PCDHGB1: variants seen among roughly 807,000 people sequenced by gnomAD.
The protein encoded by PCDHGB1 is protocadherin gamma subfamily B, 1.
A neutral mutation model predicts 56.6 loss-of-function variants in PCDHGB1; 34 were observed. The ratio of observed to expected loss-of-function variants is 0.60; its 90% CI spans 0.46 to 0.80. PCDHGB1 has a LOEUF of 0.80. Among genes scored for constraint, PCDHGB1 ranks in the 30% least tolerant of loss-of-function variants. The pLI is 0.00. For missense variants in PCDHGB1, 1,278 were observed against 1,204.6 expected, an observed-to-expected ratio of 1.06 and a Z score of -0.90; for synonymous variants, 561 against 505.9, an observed-to-expected ratio of 1.11 and a Z score of -1.46.
intron 1 of PCDHGB1, among the ~76,000 whole-genome samples, chr5:141,447,724 A>T (rs2098549653): frequency 6.6e-6 from 1 of 152,126 alleles, no homozygotes. Flanking sequence ...ATTTTCCAAA[A>T]CTCATTGAAC....
chr5:141,455,833 G>A (rs999291826), intron 1 of PCDHGB1, among the ~76,000 whole-genome samples: 1 of 151,468 alleles, frequency 6.6e-6, no homozygotes, highest in Admixed American at 6.6e-5. Flanking sequence ...CCCTTTTCCT[G>A]TCTATCTGCA....
In PCDHGB1 at chr5:141,393,482, T is replaced by C. The variant is rs116240246; in HGVS notation, c.2409+40813T>C. The C allele has an allele frequency of 5.3e-4, 852 of 1,614,070 alleles. 7 individuals carry two copies. In the African/African-American group the frequency reaches 0.01, roughly 19 times the overall value. ...CGGATGGCGGCAAGCCGCCTCGCTC[T>C]AGCACAGTGCGCATCCACGTGACAG... is the stretch of plus-strand genomic sequence containing the variant. On this transcript the variant is annotated intron_variant, in intron 1 of 3. Coordinates refer to ENST00000523390, the MANE Select transcript of PCDHGB1 (RefSeq NM_018922.3).
intron 1 of PCDHGB1, chr5:141,372,039 C>T (rs757866605): frequency 1.2e-6 from 2 of 1,613,468 alleles, no homozygotes; most frequent in Non-Finnish European, 1.7e-6. Flanking sequence ...CGTGAGCCTG[C>T]GCGTGTTGGT....
chr5:141,389,301 A>G (rs2091692161), intron 1 of PCDHGB1: 3 of 1,614,010 alleles, frequency 1.9e-6, no homozygotes, highest in Non-Finnish European at 2.5e-6. Flanking sequence ...TTCACAAGTC[A>G]GGGCTTCTGA....
intron 1 of PCDHGB1, chr5:141,408,823 T>G: frequency 4.3e-6 from 7 of 1,613,568 alleles, no homozygotes; most frequent in Non-Finnish European, 5.9e-6. Flanking sequence ...AACAGAGATC[T>G]CATAGCTTGA....
At chr5:141,366,029 C>G (rs766110369) in intron 1 of PCDHGB1, 1 of 1,614,260 alleles carries the variant, frequency 6.2e-7, no homozygotes, top group Admixed American at 1.7e-5. Flanking sequence ...GTACCCCGCC[C>G]TCCCCACAGA....
intron 1 of PCDHGB1, chr5:141,399,485 A>G (rs760899297): frequency 4.7e-5 from 76 of 1,613,904 alleles, no homozygotes; most frequent in Non-Finnish European, 6.1e-5. Context: ...CAGGCGTCCT[A>G]CTTAGTCAGT....
chr5:141,461,438 T>C (rs1034260263), intron 1 of PCDHGB1, among the ~76,000 whole-genome samples: 3 of 152,200 alleles, frequency 2.0e-5, no homozygotes, highest in African/African-American at 7.2e-5. Flanking sequence ...GTATACCTTC[T>C]TTTGAGAAAT....
chr5:141,497,148 A>G (rs1436451953), intron 2 of PCDHGB1, among the ~76,000 whole-genome samples: 1 of 152,122 alleles, frequency 6.6e-6, no homozygotes, highest in Non-Finnish European at 1.5e-5. Context: ...ATCACGAAAA[A>G]AAAATAATCT....
chr5:141,405,375 C>T lies in PCDHGB1; in HGVS notation c.2409+52706C>T, dbSNP rs368501516. On this transcript the variant is annotated intron_variant, in intron 1 of 3. Transcript: ENST00000523390. ...CCTATAGAAGACACCCCTTTGGTTC[C>T]GGTGAGTTCATTTTTTTTCTTTCTT... The T allele has an allele frequency of 3.2e-5, 51 of 1,602,124 alleles. No individual in the cohort carries two copies. Among genetic ancestry groups the T allele is most frequent in the East Asian group, 6.7e-5 (3 of 44,850 alleles).
chr5:141,400,591 C>T lies in PCDHGB1; in HGVS notation c.2409+47922C>T, dbSNP rs746471054. ...ATTTTCTGTATTTACATGAAACTATCGTACATTTTCAAGTCCAATGAGTTG... is the reference window on the plus strand; with the variant it reads ...ATTTTCTGTATTTACATGAAACTATTGTACATTTTCAAGTCCAATGAGTTG... On this transcript the variant is annotated intron_variant, in intron 1 of 3. Transcript: ENST00000523390. 2.5e-6 allele frequency: 4 copies of T among 1,602,858 alleles called. No homozygotes were observed. In the African/African-American group the frequency reaches 5.4e-5, roughly 21 times the overall value.
chr5:141,490,936 C>T lies in PCDHGB1; in HGVS notation c.2410-3871C>T. 6.2e-7 allele frequency: 1 copy of T among 1,613,694 alleles called. No individual in the cohort carries two copies. On this transcript the variant is annotated intron_variant, in intron 1 of 3. Transcript: ENST00000523390. The surrounding 1 kb of genome is among the most constrained non-coding windows in gnomAD (Gnocchi z 5.4). ...GAATGATAATGCCCCAGCTGTGCTG[C>T]ACCCACGGCCAGACTGGGAACACTC...
rs146748846 is a variant in PCDHGB1 at position 141,452,937 on chromosome 5, G to C, written c.2410-41870G>C. 4.0e-4 allele frequency among the ~76,000 whole-genome samples: 61 copies of C among 152,254 alleles called. No individual in the cohort carries two copies. The East Asian group carries it at 0.01, about 26-fold the overall frequency. On this transcript the variant is annotated intron_variant, in intron 1 of 3. Coordinates refer to ENST00000523390, the MANE Select transcript of PCDHGB1 (RefSeq NM_018922.3). The stretch of plus-strand genomic sequence containing the variant: ...AGTAAGAAAGAGCTGCTGAAGATTT[G>C]CTTGCAATTGGTTGTCTTTAAACTG...
At chr5:141,384,679 G>A (rs773664166) in intron 1 of PCDHGB1, 33 of 1,614,216 alleles carry the variant, frequency 2.0e-5, no homozygotes, top group Non-Finnish European at 2.7e-5. Flanking sequence ...GGTGGTGGCG[G>A]TGGACAAAGA....
At position 141,366,659 on chromosome 5, in the gene PCDHGB1, G is replaced by A. The variant is rs757940050; in HGVS notation, c.2409+13990G>A. The A allele has an allele frequency of 1.1e-5, 17 of 1,614,250 alleles. No homozygotes were observed. The Admixed American group carries it at 1.5e-4, about 14-fold the overall frequency. On this transcript the variant is annotated intron_variant, in intron 1 of 3. Coordinates refer to ENST00000523390, the MANE Select transcript of PCDHGB1 (RefSeq NM_018922.3). The stretch of plus-strand genomic sequence containing the variant: ...GATCTTTCCCCAGCCCAACTACGCA[G>A]ACACGCTCCTTAGTGAAGAGAGCTG...
Position 141,490,142 on chromosome 5 carries a change from C to A in PCDHGB1, c.2410-4665C>A. On this transcript the variant is annotated intron_variant, in intron 1 of 3. Coordinates refer to ENST00000523390, the MANE Select transcript of PCDHGB1 (RefSeq NM_018922.3). This position sits in a 1 kb window ranked among gnomAD's most constrained non-coding sequence, Gnocchi z 5.4. The stretch of plus-strand genomic sequence containing the variant: ...TTTGGCCTAGACCCTAGCAGTGGGG[C>A]AATCCATGTGTTGGGTCCCATAGAC... The A allele has an allele frequency of 1.9e-6, 3 of 1,614,220 alleles. No individual in the cohort carries two copies. The highest frequency in any genetic ancestry group is 2.7e-5 in the African/African-American group (2 of 75,060).
intron 1 of PCDHGB1, among the ~76,000 whole-genome samples, chr5:141,358,146 T>C (rs1760833280): frequency 6.6e-6 from 1 of 152,164 alleles, no homozygotes; most frequent in South Asian, 2.1e-4. Flanking sequence ...GCTGAGATCA[T>C]GACACTGTAC....
intron 1 of PCDHGB1, among the ~76,000 whole-genome samples, chr5:141,373,763 G>A (rs951115131): frequency 6.6e-6 from 1 of 152,192 alleles, no homozygotes; most frequent in African/African-American, 2.4e-5. Context: ...AATATTATGA[G>A]TGTCATCTCT....
intron 1 of PCDHGB1, chr5:141,392,964 G>C (rs772870041): frequency 1.4e-5 from 23 of 1,613,902 alleles, no homozygotes; most frequent in Non-Finnish European, 1.9e-5. Flanking sequence ...TATCTCCAAG[G>C]ACCTGGGGCT....
Sources: gnomAD v4.1 joint callset for allele counts (sites outside exome capture counted in the v4.1 genomes callset) on GRCh38, gnomAD v4.1.1 for gene constraint, Gnocchi (gnomAD v3.1) non-coding constraint, MANE v1.5 for transcripts, NCBI Gene and HGNC (gene_info 2026-07-23, HGNC 2026-07-21) for gene names.